WASHC5: variants seen among roughly 807,000 people sequenced by gnomAD.
The protein encoded by WASHC5 is WASH complex subunit 5.
WASHC5 carries 101 observed loss-of-function variants against 150.4 expected under a neutral mutation model. The observed-to-expected ratio is 0.67, with a 90% CI of 0.57 to 0.79. The LOEUF (loss-of-function observed/expected upper bound fraction) is 0.79. Ranked by LOEUF, WASHC5 falls within the 30% of genes least tolerant of loss-of-function variation. The pLI is 0.00. For synonymous variants in WASHC5, 467 were observed against 491.2 expected, an observed-to-expected ratio of 0.95 and a Z score of 0.65; for missense variants, 1,195 against 1,396.3, an observed-to-expected ratio of 0.86 and a Z score of 2.30.
At chr8:125,051,612 G>A (rs1317612739) in intron 17 of WASHC5, among the ~76,000 whole-genome samples, 1 of 152,250 alleles carries the variant, frequency 6.6e-6, no homozygotes, top group African/African-American at 2.4e-5. Context: ...GGAGGGCCGG[G>A]CGTGGTGACT....
chr8:125,050,481 T>C lies in WASHC5; in HGVS notation c.2199+83A>G, dbSNP rs1816206398. The C allele has an allele frequency of 7.8e-6, 7 of 900,240 alleles. No homozygotes were observed. In the Middle Eastern group the frequency reaches 8.6e-4, roughly 110 times the overall value. The allele number at this position is 900,240 out of a possible 1,614,324, so 55.8% of individuals were successfully genotyped here. A position where few individuals can be genotyped will look rare whatever the true frequency, so the allele number is the denominator to read the frequency against. ...CGTTAGCTAGGAGGTAAGGTCTTGT[T>C]CGCGATAGGTTAAAAATGGCATTCT... is the stretch of plus-strand genomic sequence containing the variant. On this transcript the variant is annotated intron_variant, in intron 18 of 28. Transcript: ENST00000318410.
chr8:125,086,780 G>C lies in WASHC5; in HGVS notation c.-124-2758C>G, dbSNP rs181498295. On this transcript the variant is annotated intron_variant, in intron 1 of 28. Transcript: ENST00000318410. ...CCGAAGCTGCCATGTAAGATGTCTG[G>C]GTATCTTGCTAGAGAGATCACAGGA... is the stretch of plus-strand genomic sequence containing the variant. Among the ~76,000 whole-genome samples, 1,069 of 152,200 alleles carry C rather than the reference G, an allele frequency of 7.0e-3. 8 individuals are homozygous for C. The highest frequency in any genetic ancestry group is 0.024 in the African/African-American group (1,003 of 41,508).
chr8:125,091,043 C>A (rs1218033117), intron 1 of WASHC5, among the ~76,000 whole-genome samples: 1 of 152,046 alleles, frequency 6.6e-6, no homozygotes, highest in East Asian at 1.9e-4. Flanking sequence ...ATCAGGAGAC[C>A]CAGTTTTATG....
chr8:125,043,920 A>G lies in WASHC5; in HGVS notation c.2771-16T>C, dbSNP rs781002309. The stretch of plus-strand genomic sequence containing the variant: ...TTTGAATTTGCTGAAAAGTTAAAAC[A>G]TAATTTTCTCTTTAGTACATTCGTA... On this transcript the variant is annotated splice_polypyrimidine_tract_variant and intron_variant, in intron 22 of 28. Coordinates refer to ENST00000318410, the MANE Select transcript of WASHC5 (RefSeq NM_014846.4). 6.2e-7 allele frequency: 1 copy of G among 1,606,174 alleles called. No individual in the cohort carries two copies. The highest frequency in any genetic ancestry group is 1.1e-5 in the South Asian group (1 of 90,878).
chr8:125,054,059 T>C (rs1816331076), intron 17 of WASHC5, among the ~76,000 whole-genome samples: 1 of 152,174 alleles, frequency 6.6e-6, no homozygotes, highest in African/African-American at 2.4e-5. Context: ...GTACTATGGA[T>C]TGGTCTGCGG....
At chr8:125,081,148 G>A (rs1418115354) in intron 5 of WASHC5, among the ~76,000 whole-genome samples, 2 of 150,968 alleles carry the variant, frequency 1.3e-5, no homozygotes, top group African/African-American at 2.4e-5. Context: ...TACTTGATAT[G>A]TAATACATAG....
rs372962282 is a variant in WASHC5 at position 125,042,107 on chromosome 8, C to T, written c.2850+1718G>A. On this transcript the variant is annotated intron_variant, in intron 23 of 28. Coordinates refer to ENST00000318410, the MANE Select transcript of WASHC5 (RefSeq NM_014846.4). Reference sequence around the variant, plus strand: ...TGACATTTTCTATTTTTGGTACTCACGCACTTCAAGCTTTAATAAGCTGCT... The same window carrying T: ...TGACATTTTCTATTTTTGGTACTCATGCACTTCAAGCTTTAATAAGCTGCT... 1.9e-4 allele frequency among the ~76,000 whole-genome samples: 29 copies of T among 152,286 alleles called. 1 individual carries two copies. In the East Asian group the frequency reaches 4.0e-3, roughly 21 times the overall value.
chr8:125,052,542 G>A (rs774882948), intron 17 of WASHC5, among the ~76,000 whole-genome samples: 2 of 149,512 alleles, frequency 1.3e-5, no homozygotes, highest in East Asian at 2.0e-4. Context: ...ACAGAGACAC[G>A]CAAGTATATC....
intron 28 of WASHC5, among the ~76,000 whole-genome samples, chr8:125,025,230 A>G (rs556626198): frequency 4.2e-4 from 64 of 151,450 alleles, no homozygotes; most frequent in African/African-American, 1.5e-3. Context: ...AGTGCTGGAG[A>G]TGAGTATTTT....
chr8:125,027,415 A>G (rs528109050), intron 28 of WASHC5, among the ~76,000 whole-genome samples: 4 of 152,364 alleles, frequency 2.6e-5, no homozygotes, highest in South Asian at 2.1e-4. Context: ...TGATATATAC[A>G]TACGATGGAA....
intron 11 of WASHC5, among the ~76,000 whole-genome samples, chr8:125,062,849 A>T (rs1018287098): frequency 6.6e-6 from 1 of 152,208 alleles, no homozygotes; most frequent in African/African-American, 2.4e-5. Flanking sequence ...CATAAAATTC[A>T]GAATGGTTTT....
At chr8:125,039,014 A>G in intron 24 of WASHC5, 55 bp from the exon 25 acceptor site, 1 of 1,563,796 alleles carries the variant, frequency 6.4e-7, no homozygotes, top group South Asian at 1.1e-5. Flanking sequence ...AATTTATACA[A>G]GAGTTAATAT....
intron 27 of WASHC5, among the ~76,000 whole-genome samples, chr8:125,029,505 G>C (rs970251143): frequency 6.6e-6 from 1 of 152,166 alleles, no homozygotes; most frequent in African/African-American, 2.4e-5. Context: ...TAAACTCCTC[G>C]AGGGCCTAGG....
chr8:125,032,307 C>T lies in WASHC5; in HGVS notation c.3269G>A (p.Arg1090Gln), dbSNP rs762522662. The change falls in exon 27 of 29, where the codon CGG (arginine) becomes CAG (glutamine). Residue 1090 changes from arginine to glutamine, a missense_variant. Transcript: ENST00000318410. ...LLTLLKQFHS[R>Q]YTEQFLALIG... ...CAGCGCCAGGAACTGCTCGGTGTAC[C>T]GGGAATGGAACTGCTTCAGCAGAGT... is the stretch of plus-strand genomic sequence containing the variant. 8.7e-6 allele frequency: 14 copies of T among 1,614,020 alleles called. No individual in the cohort carries two copies. Among genetic ancestry groups the T allele is most frequent in the Non-Finnish European group, 1.2e-5 (14 of 1,180,028 alleles).
intron 25 of WASHC5, among the ~76,000 whole-genome samples, chr8:125,037,797 A>G (rs1815760492): frequency 6.6e-6 from 1 of 152,182 alleles, no homozygotes; most frequent in Non-Finnish European, 1.5e-5. Flanking sequence ...GTGGTATCTA[A>G]GTAGAAAGAG....
intron 19 of WASHC5, 23 bp downstream of exon 19, chr8:125,048,983 G>A (rs1203686396): frequency 1.3e-6 from 2 of 1,579,922 alleles, no homozygotes; most frequent in Non-Finnish European, 1.7e-6. Flanking sequence ...ATATAGTCAA[G>A]AATTTTAAAA....
intron 21 of WASHC5, among the ~76,000 whole-genome samples, 175 bp from the exon 22 acceptor site, chr8:125,044,269 T>C (rs1815988546): frequency 6.6e-6 from 1 of 152,194 alleles, no homozygotes. Context: ...CATCCCTTGC[T>C]AGGAAAAGTC....
At chr8:125,042,740 C>A (rs1399913465) in intron 23 of WASHC5, among the ~76,000 whole-genome samples, 1 of 152,090 alleles carries the variant, frequency 6.6e-6, no homozygotes, top group Admixed American at 6.6e-5. Flanking sequence ...AGAAACTTGG[C>A]CTGGGAAGCG....
At chr8:125,052,509 T>C (rs545714867) in intron 17 of WASHC5, among the ~76,000 whole-genome samples, 52 of 152,078 alleles carry the variant, frequency 3.4e-4, no homozygotes, top group African/African-American at 1.2e-3. Context: ...AAAATCTAAA[T>C]GGGATCATAT....
Sources: gnomAD v4.1 joint callset for allele counts (sites outside exome capture counted in the v4.1 genomes callset) on GRCh38, gnomAD v4.1.1 for gene constraint, MANE v1.5 for transcripts, NCBI Gene and HGNC (gene_info 2026-07-23, HGNC 2026-07-21) for gene names.